Variants in SYCE2 observed in about 807,000 individuals in gnomAD.
SYCE2 encodes synaptonemal complex central element protein 2, also known as central element synaptonemal complex 1.
In SYCE2, 3 loss-of-function variants were observed where a neutral mutation model predicts 27.9. The ratio of observed to expected loss-of-function variants is 0.11; its 90% confidence interval spans 0.05 to 0.28. The LOEUF (loss-of-function observed/expected upper bound fraction) is 0.28, where lower values mean the gene tolerates loss of function less well. Ranked by LOEUF, SYCE2 falls within the 10% of genes least tolerant of loss-of-function variation. The pLI is 1.00. For missense variants in SYCE2, 207 were observed against 263.5 expected (o/e 0.79, Z 1.48); for synonymous variants, 85 against 100.7 (o/e 0.84, Z 0.93).
At chr19:12,904,425 C>T (rs1970896454) in intron 3 of SYCE2, 67 bp downstream of exon 3, 2 of 1,590,208 alleles carry the variant, frequency 1.3e-6, no homozygotes, top group African/African-American at 1.3e-5. Flanking sequence ...CAACAGACAC[C>T]ATCAGTGGTT....
In SYCE2 at chr19:12,899,020, C is replaced by T. The variant is rs1195659836; in HGVS notation, c.*321G>A. ...CCTCCCGAGGGTAAGAAAGGGCTTG[C>T]TGTGTTTCCTTGGAGCTCAGGGGTG... On this transcript the variant is annotated 3_prime_UTR_variant, in exon 6 of 6. Transcript: ENST00000293695. 2.5e-6 allele frequency: 1 copy of T among 403,130 alleles called. No individual in the cohort carries two copies. The highest frequency in any genetic ancestry group is 2.4e-5 in the South Asian group (1 of 42,408). The allele number at this position is 403,130 out of a possible 1,614,324, so 25.0% of individuals were successfully genotyped here. A position where few individuals can be genotyped will look rare whatever the true frequency, so the allele number is the denominator to read the frequency against.
At chr19:12,919,113 T>G in intron 1 of SYCE2, 130 bp downstream of exon 1, 1 of 1,234,286 alleles carries the variant, frequency 8.1e-7, no homozygotes, top group Non-Finnish European at 1.2e-6. Context: ...CCAGGCCTGA[T>G]GAGAGGGAGC....
intron 4 of SYCE2, 121 bp downstream of exon 4, chr19:12,900,339 G>C: frequency 1.7e-6 from 2 of 1,184,616 alleles, no homozygotes; most frequent in South Asian, 1.6e-5. Flanking sequence ...CAAGGGCTTT[G>C]CAGGGACTGT....
Position 12,904,665 on chromosome 19 carries a change from C to T in SYCE2, c.133G>A (p.Ala45Thr). 6.2e-7 allele frequency: 1 copy of T among 1,613,448 alleles called. No individual in the cohort carries two copies. The highest frequency in any genetic ancestry group is 8.5e-7 in the Non-Finnish European group (1 of 1,179,924). Residue 45 changes from alanine (A) to threonine (T), a missense_variant and splice_region_variant, in exon 3 of 6, where the codon GCC (alanine) becomes ACC (threonine). Physicochemically the swap from Ala to Thr is moderately conservative, Grantham distance 58. Transcript: ENST00000293695. ...TCCAGGACCGTCAGCTGGCAACTGG[C>T]ACTGGAGGTGGCGACACAAGGGCAA... ...EEEAGGGPAS[A>T]SCQLTVLEGK...
In SYCE2 at chr19:12,916,001, T is replaced by C. The variant is rs137965492; in HGVS notation, c.131+2221A>G. Among the ~76,000 whole-genome samples, 8 of 151,794 alleles carry C rather than the reference T, an allele frequency of 5.3e-5. No individual in the cohort carries two copies. The East Asian group carries it at 1.2e-3, about 22-fold the overall frequency. ...TGGTCAGATGCAAACAGCAGGAGGG[T>C]ATGAGCATGTCTGTCTGGAGGACAG... On this transcript the variant is annotated intron_variant, in intron 2 of 5. Transcript: ENST00000293695.
intron 2 of SYCE2, among the ~76,000 whole-genome samples, chr19:12,917,659 C>CTTTTTTTTTT (rs71168635): frequency 0.073 from 5,745 of 79,052 alleles, 1,273 homozygotes; most frequent in East Asian, 0.18. Context: ...CCATTCCTGG[C>CTTTTTTTTTT]TTTTTTTTTT....
At chr19:12,911,292 T>A (rs1224552922) in intron 2 of SYCE2, among the ~76,000 whole-genome samples, 1 of 152,152 alleles carries the variant, frequency 6.6e-6, no homozygotes, top group African/African-American at 2.4e-5. Context: ...TTCTACACTG[T>A]AATCTGATTT....
At chr19:12,918,811 C>T (rs1162290862) in intron 1 of SYCE2, among the ~76,000 whole-genome samples, 1 of 151,808 alleles carries the variant, frequency 6.6e-6, no homozygotes, top group African/African-American at 2.4e-5. Flanking sequence ...AATTAGCTGA[C>T]GTGGTGGTGC....
At chr19:12,900,173 C>T (rs1970806664) in intron 4 of SYCE2, 53 bp from the exon 5 acceptor site, 2 of 1,561,362 alleles carry the variant, frequency 1.3e-6, no homozygotes, top group Admixed American at 4.2e-5. Flanking sequence ...GGGCTGTGGG[C>T]AGAGGGGATG....
At chr19:12,918,071 G>T (rs973619802) in intron 2 of SYCE2, 151 bp downstream of exon 2, 3 of 640,226 alleles carry the variant, frequency 4.7e-6, no homozygotes, top group East Asian at 2.8e-5. Flanking sequence ...GCAGTGAGCC[G>T]TGATCATGCC....
intron 2 of SYCE2, among the ~76,000 whole-genome samples, chr19:12,910,409 GGA>G (rs1413383406): frequency 4.6e-5 from 7 of 151,744 alleles, no homozygotes; most frequent in Non-Finnish European, 1.0e-4. Context: ...GTGACAGGCT[GGA>G]GTGTCGCTCA....
At position 12,919,247 on chromosome 19, in the gene SYCE2, TG is replaced by T; in HGVS notation, c.10del (p.Gln4ArgfsTer8). On this transcript the variant is annotated frameshift_variant, in exon 1 of 6. Transcript: ENST00000293695. LOFTEE classifies it high-confidence loss of function. MER[Q>X]GVDVPHVKCK... ...AAGGAAACAAGCGCCGCGTACTCCC[TG>T]TCGCTCCATTCCGTATTTTCCCGCC... The T allele has an allele frequency of 6.2e-7, 1 of 1,611,372 alleles. No homozygotes were observed. Among genetic ancestry groups the T allele is most frequent in the Non-Finnish European group, 8.5e-7 (1 of 1,180,000 alleles).
chr19:12,914,142 T>C (rs1971093912), intron 2 of SYCE2: 1 of 152,188 alleles, frequency 6.6e-6, no homozygotes, highest in African/African-American at 2.4e-5. Flanking sequence ...GTGGCTCAGA[T>C]AAACAAGGAC....
intron 3 of SYCE2, among the ~76,000 whole-genome samples, chr19:12,902,882 C>T (rs1466415924): frequency 6.6e-6 from 1 of 151,164 alleles, no homozygotes; most frequent in African/African-American, 2.4e-5. Flanking sequence ...CTGTCCCACT[C>T]ATGTGACCCA....
intron 3 of SYCE2, among the ~76,000 whole-genome samples, chr19:12,901,269 G>A (rs1330721590): frequency 6.6e-6 from 1 of 151,940 alleles, no homozygotes; most frequent in African/African-American, 2.4e-5. Flanking sequence ...CCAGCTACTC[G>A]GGAGGCTGAG....
At chr19:12,905,330 GCTTT>G (rs1213646852) in intron 2 of SYCE2, among the ~76,000 whole-genome samples, 7 of 152,060 alleles carry the variant, frequency 4.6e-5, no homozygotes, top group Admixed American at 1.3e-4. Flanking sequence ...TAGTGTCAAT[GCTTT>G]CTTTCTTTTT....
At chr19:12,913,336 G>T (rs1205573682) in intron 2 of SYCE2, among the ~76,000 whole-genome samples, 1 of 152,224 alleles carries the variant, frequency 6.6e-6, no homozygotes, top group Non-Finnish European at 1.5e-5. Flanking sequence ...AGCTGTGATT[G>T]GCAGGCGACT....
chr19:12,918,053 T>G (rs1363176364), intron 2 of SYCE2, among the ~76,000 whole-genome samples, 169 bp downstream of exon 2: 5 of 149,566 alleles, frequency 3.3e-5, no homozygotes, highest in Non-Finnish European at 7.4e-5. Flanking sequence ...GTCTGGGAGG[T>G]GGAGGTTGCA....
chr19:12,901,533 A>C (rs80057611), intron 3 of SYCE2, among the ~76,000 whole-genome samples: 1,848 of 152,232 alleles, frequency 0.012, 42 homozygotes, highest in African/African-American at 0.042. Flanking sequence ...CTACCTCAAA[A>C]GAAGAAAAGA....
Sources: allele counts gnomAD v4.1 joint callset (sites outside exome capture counted in the v4.1 genomes callset), GRCh38; gene constraint gnomAD v4.1.1; transcripts MANE v1.5; gene names NCBI Gene and HGNC (gene_info 2026-07-23, HGNC 2026-07-21).